Variants in HERC1 observed in about 807,000 individuals in gnomAD.
The protein encoded by HERC1 is probable E3 ubiquitin-protein ligase HERC1.
In HERC1, 160 loss-of-function variants were observed where a neutral mutation model predicts 554.3. The observed-to-expected ratio is 0.29, with a 90% CI of 0.25 to 0.33. The LOEUF is 0.33. Ranked by LOEUF, HERC1 falls within the 10% of genes least tolerant of loss-of-function variation. The pLI, the probability that HERC1 is intolerant of heterozygous loss-of-function variation, is 1.00. For missense variants in HERC1, 4,919 were observed against 5,918.5 expected, an observed-to-expected ratio of 0.83 and a Z score of 5.54; for synonymous variants, 2,175 against 2,131.7, an observed-to-expected ratio of 1.02 and a Z score of -0.56.
rs140819055 is a variant in HERC1 at position 63,718,121 on chromosome 15, C to CACACACATAT, written c.3978+452_3978+453insATATGTGTGT. 1.4e-5 allele frequency among the ~76,000 whole-genome samples: 2 copies of CACACACATAT among 142,970 alleles called. No homozygotes were observed. Among genetic ancestry groups the CACACACATAT allele is most frequent in the Admixed American group, 6.9e-5 (1 of 14,430 alleles). The allele number at this position is 142,970 out of a possible 152,430, so 93.8% of individuals were successfully genotyped here. Reference sequence around the variant, plus strand: ...ACACACACACACACACACACACACACACAACCCCCTCCTTGGTTTTCACTT... The same window carrying CACACACATAT: ...ACACACACACACACACACACACACACACACACATATACAACCCCCTCCTTGGTTTTCACTT... On this transcript the variant is annotated intron_variant, in intron 21 of 77. Transcript: ENST00000443617. This position sits in a 1 kb window ranked among gnomAD's most constrained non-coding sequence, Gnocchi z 4.2.
In HERC1 at chr15:63,680,204, T is replaced by A. The variant is rs2071407496; in HGVS notation, c.6466-44A>T. ...GAGGAAAAGAAAAAGGAAATAGAAA[T>A]TTTTTTAATTCACAATATCTAACCA... On this transcript the variant is annotated intron_variant, in intron 35 of 77. Coordinates refer to ENST00000443617, the MANE Select transcript of HERC1 (RefSeq NM_003922.4). The surrounding 1 kb of genome is among the most constrained non-coding windows in gnomAD (Gnocchi z 5.8). 1 of 1,459,512 alleles carries A rather than the reference T, an allele frequency of 6.9e-7. No homozygotes were observed. Among genetic ancestry groups the A allele is most frequent in the Non-Finnish European group, 9.5e-7 (1 of 1,049,590 alleles). 90.4% of individuals were successfully genotyped at this position (1,459,512 alleles called of 1,614,324 possible). A position where few individuals can be genotyped will look rare whatever the true frequency, so the allele number is the denominator to read the frequency against.
Position 63,702,611 on chromosome 15 carries a change from C to A in HERC1, c.4637-3615G>T, listed in dbSNP as rs182470065. On this transcript the variant is annotated intron_variant, in intron 25 of 77. Coordinates refer to ENST00000443617, the MANE Select transcript of HERC1 (RefSeq NM_003922.4). Reference sequence around the variant, plus strand: ...AATCTTTTAAGTTTTATCAAAGTACCAAATTACTAACATATTTTTACAGGT... The same window carrying A: ...AATCTTTTAAGTTTTATCAAAGTACAAAATTACTAACATATTTTTACAGGT... Among the ~76,000 whole-genome samples the A allele has an allele frequency of 3.3e-5, 5 of 152,232 alleles. No homozygotes were observed. In the East Asian group the frequency reaches 9.6e-4, roughly 29 times the overall value.
chr15:63,752,067 T>A (rs2075267870), intron 8 of HERC1, among the ~76,000 whole-genome samples: 1 of 152,206 alleles, frequency 6.6e-6, no homozygotes, highest in Non-Finnish European at 1.5e-5. Flanking sequence ...CATGGATTCT[T>A]ACTACAAAAA....
chr15:63,638,859 TTA>T (rs2068903567), intron 61 of HERC1, 83 bp from the exon 62 acceptor site: 1 of 910,986 alleles, frequency 1.1e-6, no homozygotes, highest in Middle Eastern at 2.2e-4. Context: ...CTTCTAATCA[TTA>T]AGTCTTATTT....
rs1218089328 is a variant in HERC1, at chr15:63,725,532, G to A, written c.3347-19C>T. ...GGCCCTCCTAAAGACAAAATCATTAGTTATTGTGTCTTTATCTGGTACTTT... is the reference window on the plus strand; with the variant it reads ...GGCCCTCCTAAAGACAAAATCATTAATTATTGTGTCTTTATCTGGTACTTT... On this transcript the variant is annotated intron_variant, in intron 17 of 77. Transcript: ENST00000443617. 1 of 1,588,770 alleles carries A rather than the reference G, an allele frequency of 6.3e-7. No individual in the cohort carries two copies. The highest frequency in any genetic ancestry group is 1.7e-5 in the Admixed American group (1 of 59,820).
At chr15:63,819,666 T>A (rs1321509860) in intron 1 of HERC1, among the ~76,000 whole-genome samples, 1 of 152,186 alleles carries the variant, frequency 6.6e-6, no homozygotes, top group African/African-American at 2.4e-5. Context: ...TCTCTAAAGT[T>A]CCGTCTCATT....
At chr15:63,646,664 C>T (rs962631557) in intron 55 of HERC1, among the ~76,000 whole-genome samples, 1 of 151,332 alleles carries the variant, frequency 6.6e-6, no homozygotes, top group Admixed American at 6.6e-5. Flanking sequence ...AAAAATTAGC[C>T]GGGAGTGGTG....
chr15:63,610,045 C>T (rs1291196846), intron 77 of HERC1, among the ~76,000 whole-genome samples: 1 of 152,130 alleles, frequency 6.6e-6, no homozygotes, highest in East Asian at 1.9e-4. Context: ...TTCCCTATCC[C>T]TCCTTGCAAA....
intron 39 of HERC1, 28 bp downstream of exon 39, chr15:63,672,468 G>A (rs182466681): frequency 2.0e-6 from 3 of 1,519,412 alleles, no homozygotes; most frequent in Admixed American, 1.9e-5. Flanking sequence ...GCATCAGTAT[G>A]GCAGACATTA....
chr15:63,774,355 G>A (rs2076050719), intron 2 of HERC1, among the ~76,000 whole-genome samples: 1 of 152,040 alleles, frequency 6.6e-6, no homozygotes, highest in Non-Finnish European at 1.5e-5. Context: ...GAAAATAAGA[G>A]GTTTTTTTTT....
intron 1 of HERC1, among the ~76,000 whole-genome samples, chr15:63,825,919 T>C (rs1402356214): frequency 1.3e-5 from 2 of 151,846 alleles, no homozygotes; most frequent in East Asian, 1.9e-4. Flanking sequence ...CCCGCCACCA[T>C]GCTCAGTTAA....
At chr15:63,741,837 C>T (rs1422546620) in intron 12 of HERC1, among the ~76,000 whole-genome samples, 1 of 152,146 alleles carries the variant, frequency 6.6e-6, no homozygotes, top group Non-Finnish European at 1.5e-5. Flanking sequence ...TTCCATTGAT[C>T]TATATATTTA....
chr15:63,613,952 G>A (rs917619621), intron 76 of HERC1, among the ~76,000 whole-genome samples: 7 of 152,122 alleles, frequency 4.6e-5, no homozygotes, highest in East Asian at 3.8e-4. Flanking sequence ...AAACAAAAAC[G>A]AACAAGCTGT....
chr15:63,764,140 C>T lies in HERC1; in HGVS notation c.982G>A (p.Gly328Ser). 6.2e-7 allele frequency: 1 copy of T among 1,611,372 alleles called. No individual in the cohort carries two copies. The highest frequency in any genetic ancestry group is 8.5e-7 in the Non-Finnish European group (1 of 1,178,802). Reference sequence around the variant, plus strand: ...GCTGCCTCGTAAAGGGAGCACAAGCCATCCGATGTTCTGGTTGGTTCTCTC... The same window carrying T: ...GCTGCCTCGTAAAGGGAGCACAAGCTATCCGATGTTCTGGTTGGTTCTCTC... ...QWREPTRTSD[G>S]LCSLYEAALC... Residue 328 changes from glycine (G) to serine (S), a missense_variant, in exon 3 of 78, where the codon GGC becomes AGC. By Grantham distance (56) the Gly-to-Ser change is moderately conservative. Coordinates refer to ENST00000443617, the MANE Select transcript of HERC1 (RefSeq NM_003922.4).
intron 17 of HERC1, among the ~76,000 whole-genome samples, chr15:63,725,810 C>G (rs1025248593): frequency 6.6e-6 from 1 of 152,190 alleles, no homozygotes; most frequent in East Asian, 1.9e-4. Context: ...CTTTTCATTA[C>G]CCAGACCAAA....
At position 63,630,674 on chromosome 15, in the gene HERC1, C is replaced by T. The variant is rs369197036; in HGVS notation, c.12797-39G>A. 41 of 1,564,606 alleles carry T rather than the reference C, an allele frequency of 2.6e-5. No homozygotes were observed. The Admixed American group carries it at 5.0e-4, about 19-fold the overall frequency. Reference sequence around the variant, plus strand: ...AACAAAAACATGTGGAAATGTTATGCACCACACAACACAGTGCTTTTATAT... The same window carrying T: ...AACAAAAACATGTGGAAATGTTATGTACCACACAACACAGTGCTTTTATAT... On this transcript the variant is annotated intron_variant, in intron 68 of 77. Coordinates refer to ENST00000443617, the MANE Select transcript of HERC1 (RefSeq NM_003922.4).
intron 24 of HERC1, among the ~76,000 whole-genome samples, chr15:63,710,856 A>G (rs183215883): frequency 3.3e-5 from 5 of 152,300 alleles, no homozygotes; most frequent in East Asian, 3.9e-4. Context: ...CGCAACAGCT[A>G]AGAGTCCAGT....
Position 63,789,113 on chromosome 15 carries a change from C to T in HERC1, c.-26-13464G>A, listed in dbSNP as rs796884402. 7.4e-3 allele frequency among the ~76,000 whole-genome samples: 634 copies of T among 85,670 alleles called. 11 individuals carry two copies. Among genetic ancestry groups the T allele is most frequent in the African/African-American group, 0.029 (607 of 21,138 alleles). 56.2% of individuals were successfully genotyped at this position (85,670 alleles called of 152,430 possible). ...TTTTTTTTTTTTTTTTTTTTTGAGA[C>T]GGAGTCTCGCTCTGTCGCCCAGGCT... On this transcript the variant is annotated intron_variant, in intron 1 of 77. Transcript: ENST00000443617.
chr15:63,796,917 G>T (rs2076831471), intron 1 of HERC1, among the ~76,000 whole-genome samples: 1 of 152,164 alleles, frequency 6.6e-6, no homozygotes, highest in Non-Finnish European at 1.5e-5. Context: ...GACTTAAAGA[G>T]TCTTGTTCTA....
Sources: allele counts gnomAD v4.1 joint callset (sites outside exome capture counted in the v4.1 genomes callset), GRCh38; gene constraint gnomAD v4.1.1; non-coding constraint Gnocchi (gnomAD v3.1); transcripts MANE v1.5; gene names NCBI Gene and HGNC (gene_info 2026-07-23, HGNC 2026-07-21).